Variants in MAP3K15 observed in about 807,000 individuals in gnomAD.
MAP3K15 encodes MAPK/ERK kinase kinase 15.
In MAP3K15, 124 loss-of-function variants were observed where a neutral mutation model predicts 99.5. The observed-to-expected ratio is 1.25, with a 90% confidence interval of 1.08 to 1.45. MAP3K15 has a LOEUF of 1.45. Ranked by LOEUF, MAP3K15 falls within the 40% of genes most tolerant of loss-of-function variation. The pLI is 0.00. For missense variants in MAP3K15, 1,242 were observed against 1,079.7 expected, an observed-to-expected ratio of 1.15 and a Z score of -2.11; for synonymous variants, 494 against 439.6, an observed-to-expected ratio of 1.12 and a Z score of -1.55.
chrX:19,401,678 A>C (rs1434090713), intron 13 of MAP3K15, among the ~76,000 whole-genome samples: 3 of 111,010 alleles, frequency 2.7e-5, no homozygotes, highest in Non-Finnish European at 5.6e-5. Context: ...CTGCTGACAC[A>C]GAACAAGCTT....
intron 25 of MAP3K15, among the ~76,000 whole-genome samples, chrX:19,364,001 T>C (rs1366055801): frequency 9.0e-6 from 1 of 111,389 alleles, no homozygotes; most frequent in Non-Finnish European, 1.9e-5. Context: ...GAGTGAGACA[T>C]GCTGCTCTGC....
At chrX:19,480,510 T>A (rs1254015358) in intron 3 of MAP3K15, among the ~76,000 whole-genome samples, 1 of 109,393 alleles carries the variant, frequency 9.1e-6, no homozygotes, top group Non-Finnish European at 1.9e-5. Flanking sequence ...GAAAAATAAA[T>A]TTTTTAAAAA....
At chrX:19,417,085 C>T (rs763711699) in intron 9 of MAP3K15, among the ~76,000 whole-genome samples, 19 of 112,154 alleles carry the variant, frequency 1.7e-4, no homozygotes, top group South Asian at 7.4e-4. Context: ...TGGCTGAATA[C>T]GAACAACTCC....
chrX:19,412,899 T>A (rs929035496), intron 11 of MAP3K15, among the ~76,000 whole-genome samples: 4 of 108,921 alleles, frequency 3.7e-5, no homozygotes, highest in Non-Finnish European at 7.6e-5. Flanking sequence ...CACACCCGGC[T>A]AATTTTTTAA....
At chrX:19,466,372 G>A (rs1399851396) in intron 3 of MAP3K15, among the ~76,000 whole-genome samples, 2 of 111,702 alleles carry the variant, frequency 1.8e-5, no homozygotes, top group South Asian at 3.8e-4. Flanking sequence ...ACCAGGTGGA[G>A]GTAACTTGAT....
intron 1 of MAP3K15, among the ~76,000 whole-genome samples, chrX:19,509,670 C>T (rs2064504833): frequency 9.0e-6 from 1 of 111,287 alleles, no homozygotes; most frequent in Non-Finnish European, 1.9e-5. Flanking sequence ...ACCCTAACAT[C>T]ACAATTAAAA....
intron 2 of MAP3K15, among the ~76,000 whole-genome samples, chrX:19,487,172 G>A (rs1181945301): frequency 2.7e-5 from 3 of 109,905 alleles, no homozygotes; most frequent in Admixed American, 2.0e-4. Flanking sequence ...CTAAACAGCT[G>A]CCCTGTAAAA....
intron 2 of MAP3K15, 112 bp downstream of exon 2, chrX:19,488,716 C>T (rs2064346449): frequency 1.3e-6 from 1 of 757,855 alleles, no homozygotes; most frequent in Non-Finnish European, 1.9e-6. Context: ...AAGAATTGCA[C>T]AAGCAAGTCT....
intron 13 of MAP3K15, among the ~76,000 whole-genome samples, chrX:19,403,700 C>T (rs1238400027): frequency 1.8e-5 from 2 of 108,632 alleles, no homozygotes; most frequent in Non-Finnish European, 3.8e-5. Flanking sequence ...ACTGCCCACT[C>T]AAGCAATCCT....
At chrX:19,406,507 G>A (rs1368704467) in intron 13 of MAP3K15, among the ~76,000 whole-genome samples, 2 of 112,054 alleles carry the variant, frequency 1.8e-5, no homozygotes, top group African/African-American at 3.2e-5. Flanking sequence ...TATATGAAAT[G>A]GCCAGAATAG....
At chrX:19,395,344 A>C (rs1233058802) in intron 15 of MAP3K15, 136 bp from the exon 16 acceptor site, 2 of 607,593 alleles carry the variant, frequency 3.3e-6, no homozygotes, top group South Asian at 5.8e-5. Flanking sequence ...CTTCCATGAA[A>C]CTATTCAACT....
intron 19 of MAP3K15, among the ~76,000 whole-genome samples, chrX:19,376,318 C>T (rs990150104): frequency 1.4e-4 from 15 of 110,853 alleles, no homozygotes; most frequent in African/African-American, 4.6e-4. Flanking sequence ...TCTAGCTTCT[C>T]GTGGTCTGCG....
chrX:19,475,365 C>T (rs746499474), intron 3 of MAP3K15, among the ~76,000 whole-genome samples: 1 of 111,380 alleles, frequency 9.0e-6, no homozygotes, highest in Admixed American at 9.5e-5. Flanking sequence ...ACAGATGAAG[C>T]TTTCCTCGCT....
At position 19,488,475 on chromosome X, in the gene MAP3K15, C is replaced by T. The variant is rs200793722; in HGVS notation, c.501+353G>A. On this transcript the variant is annotated intron_variant, in intron 2 of 28. Coordinates refer to ENST00000338883, the MANE Select transcript of MAP3K15 (RefSeq NM_001001671.4). ...TTATGTGTAGGTTTGGATCCAATTG[C>T]TCATGAAGGAATTCAGAACTGATTT... Among the ~76,000 whole-genome samples the T allele has an allele frequency of 4.3e-4, 48 of 111,784 alleles. 1 individual carries two copies. The East Asian group carries it at 0.01, about 24-fold the overall frequency.
rs772216067 is a variant in MAP3K15, at chrX:19,390,525, GTATTA to G, written c.2431+1472_2431+1476del. 2.7e-3 allele frequency among the ~76,000 whole-genome samples: 274 copies of G among 101,935 alleles called. 2 individuals are homozygous for G. Among genetic ancestry groups the G allele is most frequent in the African/African-American group, 8.4e-3 (238 of 28,214 alleles). The allele number at this position is 101,935 out of a possible 115,157, so 88.5% of individuals were successfully genotyped here. A position where few individuals can be genotyped will look rare whatever the true frequency, so the allele number is the denominator to read the frequency against. ...TACATATATTATATATAATCATTAT[GTATTA>G]TATTATATATAACATATAATATATA... is the stretch of plus-strand genomic sequence containing the variant. On this transcript the variant is annotated intron_variant, in intron 18 of 28. Coordinates refer to ENST00000338883, the MANE Select transcript of MAP3K15 (RefSeq NM_001001671.4).
At chrX:19,457,133 AC>A in intron 5 of MAP3K15, 114 bp from the exon 6 acceptor site, 1 of 480,942 alleles carries the variant, frequency 2.1e-6, no homozygotes, top group Non-Finnish European at 3.6e-6. Context: ...GCCCTTCCTT[AC>A]AAAGGGCATT....
At chrX:19,390,311 T>TC (rs1490086193) in intron 18 of MAP3K15, among the ~76,000 whole-genome samples, 4 of 89,672 alleles carry the variant, frequency 4.5e-5, no homozygotes, top group Non-Finnish European at 8.7e-5. Flanking sequence ...TTCTTTTTTT[T>TC]TTTTTTTTTT....
rs763722792 is a variant in MAP3K15 at position 19,427,857 on chromosome X, A to G, written c.1167-1514T>C. ...CATTATCAATTCTGAGGCATAATAC[A>G]AATACCCTCAGATCAGAGGACACCG... On this transcript the variant is annotated intron_variant, in intron 7 of 28. Transcript: ENST00000338883. Among the ~76,000 whole-genome samples the G allele has an allele frequency of 2.7e-5, 3 of 111,424 alleles. No homozygotes were observed. In the South Asian group the frequency reaches 1.2e-3, roughly 44 times the overall value.
chrX:19,489,236 G>A (rs2064350321), intron 1 of MAP3K15, among the ~76,000 whole-genome samples: 2 of 111,253 alleles, frequency 1.8e-5, no homozygotes, highest in South Asian at 3.8e-4. Context: ...TTTTTGTTAT[G>A]ACATATCACA....
Sources: allele counts gnomAD v4.1 joint callset (sites outside exome capture counted in the v4.1 genomes callset), GRCh38; gene constraint gnomAD v4.1.1; transcripts MANE v1.5; gene names NCBI Gene and HGNC (gene_info 2026-07-23, HGNC 2026-07-21).